GLA: variants seen among roughly 807,000 people sequenced by gnomAD.
GLA encodes galactosidase alpha.
In GLA, 4 loss-of-function variants were observed where a neutral mutation model predicts 28.2. That is an observed-to-expected ratio of 0.14 (90% CI 0.07 to 0.32). GLA has a LOEUF of 0.32. Ranked by LOEUF, GLA falls within the 10% of genes least tolerant of loss-of-function variation. The pLI, the probability that GLA is intolerant of heterozygous loss-of-function variation, is 1.00. For missense variants in GLA, 203 were observed against 323.7 expected, an observed-to-expected ratio of 0.63 and a Z score of 2.86; for synonymous variants, 94 against 113.0, an observed-to-expected ratio of 0.83 and a Z score of 1.07.
rs1555985079 is a variant in GLA, at chrX:101,398,777, G to A, written c.801+8C>T. The A allele has an allele frequency of 1.7e-6, 2 of 1,209,469 alleles. No individual in the cohort carries two copies. The highest frequency in any genetic ancestry group is 2.2e-6 in the Non-Finnish European group (2 of 893,468). On this transcript the variant is annotated splice_region_variant and intron_variant, in intron 5 of 6. Transcript: ENST00000218516. ...AGGGTCTTGAACAAGGAGGGCTCAA[G>A]TTTTTACCATATCTGGGTCATTCCA...
rs781871113 is a variant in GLA, at chrX:101,400,709, A to G, written c.596T>C (p.Val199Ala). The G allele has an allele frequency of 3.4e-6, 4 of 1,192,456 alleles. No individual in the cohort carries two copies. Among genetic ancestry groups the G allele is most frequent in the African/African-American group, 1.8e-5 (1 of 57,018 alleles). Residue 199 changes from valine to alanine, a missense_variant, in exon 4 of 7, where the codon GTG (valine) becomes GCG (alanine). Coordinates refer to ENST00000218516, the MANE Select transcript of GLA (RefSeq NM_000169.3). Reference protein sequence around the residue: ...LALNRTGRSIVYSCEWPLYMW... With the variant: ...LALNRTGRSIAYSCEWPLYMW... ...ATAAAGAGGCCACTCACAGGAGTAC[A>G]CAATGCTTCTGCCAGTCCTATTCAG...
chrX:101,397,823 T>C lies in GLA; in HGVS notation c.1276A>G (p.Lys426Glu). Residue 426 changes from lysine (K) to glutamate (E), a missense_variant, in exon 7 of 7, where the codon AAA (lysine) becomes GAA (glutamate). By Grantham distance (56) the Lys-to-Glu change is moderately conservative. Around this residue, in one of 3 missense-constraint regions of GLA, gnomAD observed 162 missense variants for 246.8 expected, o/e 0.66. Coordinates refer to ENST00000218516, the MANE Select transcript of GLA (RefSeq NM_000169.3). ...QLENTMQMSL[K>E]DLL ...AAATAAACATTTTAAAGTAAGTCTT[T>C]TAATGACATCTGCATTGTATTTTCT... 1 of 1,202,165 alleles carries C rather than the reference T, an allele frequency of 8.3e-7. No individual in the cohort carries two copies.
chrX:101,401,456 T>C lies in GLA; in HGVS notation c.547+176A>G, dbSNP rs41307413. 1,117 of 487,863 alleles carry C rather than the reference T, an allele frequency of 2.3e-3. 3 individuals carry two copies. The highest frequency in any genetic ancestry group is 3.6e-3 in the Non-Finnish European group (979 of 272,716). 40.2% of individuals were successfully genotyped at this position (487,863 alleles called of 1,213,427 possible). On this transcript the variant is annotated intron_variant, in intron 3 of 6. Transcript: ENST00000218516. ...TAGGTATGCATGGATTTTACATGAA[T>C]TAATTAATTAATTAATGAACTGAAA...
rs374563334 is a variant in GLA, at chrX:101,404,621, G to A, written c.195-636C>T. Among the ~76,000 whole-genome samples, 13 of 95,391 alleles carry A rather than the reference G, an allele frequency of 1.4e-4. 3 individuals are homozygous for A. The highest frequency in any genetic ancestry group is 9.6e-4 in the East Asian group (3 of 3,110). 82.8% of individuals were successfully genotyped at this position (95,391 alleles called of 115,157 possible). ...GTCTCCCTCTGTCACCCAGGCTGGA[G>A]TGCAGTGGCGCCATCTTGGCTCACT... On this transcript the variant is annotated intron_variant, in intron 1 of 6. Coordinates refer to ENST00000218516, the MANE Select transcript of GLA (RefSeq NM_000169.3).
At chrX:101,405,662 T>C (rs1045025785) in intron 1 of GLA, among the ~76,000 whole-genome samples, 4 of 110,188 alleles carry the variant, frequency 3.6e-5, no homozygotes, top group African/African-American at 1.3e-4. Context: ...GGCTCACACC[T>C]GTAATCCCAG....
At chrX:101,398,717 A>G in intron 5 of GLA, 68 bp downstream of exon 5, 1 of 1,121,504 alleles carries the variant, frequency 8.9e-7, no homozygotes, top group African/African-American at 1.8e-5. Context: ...ACCTGTATTT[A>G]CCTTGAATGT....
rs1928588858 is a variant in GLA, at chrX:101,407,820, C to T, written c.84G>A (p.Gly28=). 1 of 1,209,303 alleles carries T rather than the reference C, an allele frequency of 8.3e-7. No homozygotes were observed. The highest frequency in any genetic ancestry group is 1.8e-5 in the South Asian group (1 of 56,828). The change falls in exon 1 of 7, where the codon GGG becomes GGA. Residue 28 remains glycine, a synonymous_variant. Coordinates refer to ENST00000218516, the MANE Select transcript of GLA (RefSeq NM_000169.3). ...CCAATCCATTGTCCAGTGCTCTAGC[C>T]CCAGGGATGTCCCAGGAAACGAGGG... ...FLALVSWDIP[G]ARALDNGLAR... is the part of the protein sequence containing the mutation.
In GLA at chrX:101,403,812, T is replaced by C; in HGVS notation, c.368A>G (p.Tyr123Cys). Residue 123 changes from tyrosine to cysteine, a missense_variant and splice_region_variant, in exon 2 of 7, where the codon TAT (tyrosine) becomes TGT (cysteine). Physicochemically the swap from Tyr to Cys is radical, Grantham distance 194. Around this residue, in one of 3 missense-constraint regions of GLA, gnomAD observed 162 missense variants for 246.8 expected, o/e 0.66. Transcript: ENST00000218516. ...FPHGIRQLANYVHSKGLKLGI... is the reference protein window; with the variant it reads ...FPHGIRQLANCVHSKGLKLGI... ...CAAGAACATTATCTATAAACTCACA[T>C]AATTAGCTAGCTGGCGAATCCCATG... 2.5e-6 allele frequency: 3 copies of C among 1,207,709 alleles called. No homozygotes were observed. Among genetic ancestry groups the C allele is most frequent in the Non-Finnish European group, 3.4e-6 (3 of 891,454 alleles).
In GLA at chrX:101,401,804, G is replaced by A. The variant is rs2147477873; in HGVS notation, c.375C>T (p.His125=). ...AAATCCCTAGCTTCAGTCCTTTGCT[G>A]TGAACCTGAAATGAGAGGGAGGAAA... The part of the protein sequence containing the change: ...HGIRQLANYV[H]SKGLKLGIYA... The change falls in exon 3 of 7, where the codon CAC becomes CAT. Residue 125 remains histidine (H), a synonymous_variant. Transcript: ENST00000218516. 1.7e-6 allele frequency: 2 copies of A among 1,208,662 alleles called. No individual in the cohort carries two copies. The highest frequency in any genetic ancestry group is 2.3e-4 in the Middle Eastern group (1 of 4,337).
rs782387081 is a variant in GLA, at chrX:101,404,546, T to A, written c.195-561A>T. ...CAAAATCCTTAACAAAGCCCAAGAG[T>A]ACTTAGGTTTCCTTTTTATCTTTTT... is the stretch of plus-strand genomic sequence containing the variant. On this transcript the variant is annotated intron_variant, in intron 1 of 6. Coordinates refer to ENST00000218516, the MANE Select transcript of GLA (RefSeq NM_000169.3). 2.8e-5 allele frequency among the ~76,000 whole-genome samples: 3 copies of A among 108,325 alleles called. No individual in the cohort carries two copies. In the South Asian group the frequency reaches 1.2e-3, roughly 43 times the overall value. The allele number at this position is 108,325 out of a possible 115,157, so 94.1% of individuals were successfully genotyped here.
intron 2 of GLA, among the ~76,000 whole-genome samples, chrX:101,403,115 T>C (rs1928373290): frequency 1.8e-5 from 2 of 108,994 alleles, no homozygotes; most frequent in East Asian, 2.9e-4. Flanking sequence ...TTGGCTAACA[T>C]GGTGAAACCC....
intron 1 of GLA, among the ~76,000 whole-genome samples, chrX:101,406,958 T>G (rs1487084634): frequency 8.9e-6 from 1 of 112,665 alleles, no homozygotes; most frequent in Non-Finnish European, 1.9e-5. Context: ...AGAACTATTT[T>G]TCAGATTTTT....
intron 4 of GLA, among the ~76,000 whole-genome samples, chrX:101,399,956 G>A (rs1434946696): frequency 9.0e-6 from 1 of 111,632 alleles, no homozygotes; most frequent in Non-Finnish European, 1.9e-5. Flanking sequence ...GGGAAGAACT[G>A]TTCTAGGCAG....
rs782509013 is a variant in GLA, at chrX:101,398,020, C to G, written c.1079G>C (p.Gly360Ala). 1 of 1,210,666 alleles carries G rather than the reference C, an allele frequency of 8.3e-7. No individual in the cohort carries two copies. Among genetic ancestry groups the G allele is most frequent in the South Asian group, 1.8e-5 (1 of 56,984 alleles). ...AVAMINRQEIGGPRSYTIAVA... is the reference protein window; with the variant it reads ...AVAMINRQEIAGPRSYTIAVA... ...TGCGATGGTATAAGAGCGAGGTCCACCAATCTCCTGCCGGTTTATCATAGC... is the reference window on the plus strand; with the variant it reads ...TGCGATGGTATAAGAGCGAGGTCCAGCAATCTCCTGCCGGTTTATCATAGC... Residue 360 changes from glycine to alanine, a missense_variant, in exon 7 of 7, where the codon GGT (glycine) becomes GCT (alanine). Around this residue, in one of 3 missense-constraint regions of GLA, gnomAD observed 162 missense variants for 246.8 expected, o/e 0.66. Coordinates refer to ENST00000218516, the MANE Select transcript of GLA (RefSeq NM_000169.3).
Position 101,397,860 on chromosome X carries a change from A to G in GLA, c.1239T>C (p.Val413=), listed in dbSNP as rs782058162. The G allele has an allele frequency of 8.3e-7, 1 of 1,207,807 alleles. No homozygotes were observed. Among genetic ancestry groups the G allele is most frequent in the Admixed American group, 2.2e-5 (1 of 46,102 alleles). Residue 413 remains valine (V), a synonymous_variant, in exon 7 of 7, where the codon GTT becomes GTC. Coordinates refer to ENST00000218516, the MANE Select transcript of GLA (RefSeq NM_000169.3). The stretch of plus-strand genomic sequence containing the variant: ...GCATTGTATTTTCTAGCTGAAGCAA[A>G]ACAGTGCCTGTGGGATTTATGTGAC... ...LRSHINPTGT[V]LLQLENTMQM...
intron 2 of GLA, among the ~76,000 whole-genome samples, chrX:101,402,546 C>T (rs782814365): frequency 2.5e-4 from 28 of 111,767 alleles, no homozygotes; most frequent in African/African-American, 7.5e-4. Context: ...GGGCGGATTA[C>T]AAGGTCAGGA....
chrX:101,398,262 T>C, intron 6 of GLA, 108 bp downstream of exon 6: 1 of 767,581 alleles, frequency 1.3e-6, no homozygotes. Flanking sequence ...GCAAGAAGCT[T>C]TATTACTGAT....
Position 101,400,598 on chromosome X carries a change from T to C in GLA, c.639+68A>G, listed in dbSNP as rs3027589. 30,339 of 615,286 alleles carry C rather than the reference T, an allele frequency of 0.049. 891 individuals carry two copies. The highest frequency in any genetic ancestry group is 0.14 in the African/African-American group (6,478 of 45,387). 50.7% of individuals were successfully genotyped at this position (615,286 alleles called of 1,213,427 possible). ...TAACGTTGGACTTTGAAGGAGACCT[T>C]GGTTTCCTTTGTTGTCAAGTTCTAT... On this transcript the variant is annotated intron_variant, in intron 4 of 6. Coordinates refer to ENST00000218516, the MANE Select transcript of GLA (RefSeq NM_000169.3).
intron 1 of GLA, 77 bp downstream of exon 1, chrX:101,407,633 G>A: frequency 1.0e-6 from 1 of 972,874 alleles, no homozygotes; most frequent in Non-Finnish European, 1.5e-6. Context: ...AACTGTTCCC[G>A]TTGAGACTCT....
Sources: allele counts gnomAD v4.1 joint callset (sites outside exome capture counted in the v4.1 genomes callset), GRCh38; gene constraint gnomAD v4.1.1; regional missense constraint gnomAD v4.1.1; transcripts MANE v1.5; gene names NCBI Gene and HGNC (gene_info 2026-07-23, HGNC 2026-07-21).